The following RC3H1 variants were observed in gnomAD, a reference collection of about 807,000 sequenced individuals.
RC3H1 encodes the protein ring finger and CCCH-type domains 1.
Under a neutral mutation model 138.2 loss-of-function variants are expected in RC3H1, and 50 were observed. The ratio of observed to expected loss-of-function variants is 0.36; its 90% CI spans 0.29 to 0.46. The LOEUF (loss-of-function observed/expected upper bound fraction) is 0.46. RC3H1 is among the 20% of genes least tolerant of loss of function. The pLI is 1.00. For synonymous variants in RC3H1, 462 were observed against 489.1 expected, an observed-to-expected ratio of 0.94 and a Z score of 0.73; for missense variants, 1,031 against 1,388.1, an observed-to-expected ratio of 0.74 and a Z score of 4.09.
rs1030432383 is a variant in RC3H1 at position 173,934,264 on chromosome 1, G to A, written c.*4457C>T. Reference sequence around the variant, plus strand: ...ACAATCTGTACATGTACTGACTATAGTTAGTTATTTCTCACCAGTCACATA... The same window carrying A: ...ACAATCTGTACATGTACTGACTATAATTAGTTATTTCTCACCAGTCACATA... On this transcript the variant is annotated 3_prime_UTR_variant, in exon 20 of 20. Coordinates refer to ENST00000367696, the MANE Select transcript of RC3H1 (RefSeq NM_172071.4). 6.6e-6 allele frequency: 1 copy of A among 151,962 alleles called. No individual in the cohort carries two copies. The highest frequency in any genetic ancestry group is 1.5e-5 in the Non-Finnish European group (1 of 67,990). 9.4% of individuals were successfully genotyped at this position (151,962 alleles called of 1,614,324 possible).
intron 13 of RC3H1, among the ~76,000 whole-genome samples, chr1:173,958,280 C>T (rs935368855): frequency 3.3e-5 from 5 of 152,086 alleles, no homozygotes; most frequent in Non-Finnish European, 5.9e-5. Context: ...CAGTAGCTCA[C>T]GCCTGTAATC....
In RC3H1 at chr1:173,937,851, T is replaced by C. The variant is rs1351800225; in HGVS notation, c.*870A>G. ...AAGCACTGCTTCAAATTTCCAACCA[T>C]GAGCTGAACGCAGGCGAAACACCAA... is the stretch of plus-strand genomic sequence containing the variant. On this transcript the variant is annotated 3_prime_UTR_variant, in exon 20 of 20. Coordinates refer to ENST00000367696, the MANE Select transcript of RC3H1 (RefSeq NM_172071.4). 6.6e-6 allele frequency: 1 copy of C among 152,216 alleles called. No individual in the cohort carries two copies. The highest frequency in any genetic ancestry group is 2.4e-5 in the African/African-American group (1 of 41,472). 9.4% of individuals were successfully genotyped at this position (152,216 alleles called of 1,614,324 possible).
chr1:173,977,047 C>T (rs369095556), intron 7 of RC3H1, among the ~76,000 whole-genome samples: 46 of 152,018 alleles, frequency 3.0e-4, no homozygotes, highest in Non-Finnish European at 5.6e-4. Context: ...CTCAGCCTCC[C>T]GAGTAGCTGG....
At position 173,978,510 on chromosome 1, in the gene RC3H1, T is replaced by A; in HGVS notation, c.1080A>T (p.Leu360Phe). 1 of 1,614,078 alleles carries A rather than the reference T, an allele frequency of 6.2e-7. No homozygotes were observed. Among genetic ancestry groups the A allele is most frequent in the Non-Finnish European group, 8.5e-7 (1 of 1,179,964 alleles). The change falls in exon 7 of 20, where the codon TTA becomes TTT. Residue 360 changes from leucine to phenylalanine, a missense_variant. Around this residue, in one of 7 missense-constraint regions of RC3H1, gnomAD observed 142 missense variants for 224.6 expected, o/e 0.63. Coordinates refer to ENST00000367696, the MANE Select transcript of RC3H1 (RefSeq NM_172071.4). ...TACCTGGACTAGGGTCAATGTTTGC[T>A]AACAGCTCCAAATGGGGTCTTAGTC... Reference protein sequence around the residue: ...LNRLRPHLELLANIDPSPDAP... With the variant: ...LNRLRPHLELFANIDPSPDAP...
At chr1:173,964,767 CATTA>C in intron 10 of RC3H1, 68 bp downstream of exon 10, 2 of 1,248,030 alleles carry the variant, frequency 1.6e-6, no homozygotes, top group Non-Finnish European at 2.2e-6. Flanking sequence ...AAATCCCAAA[CATTA>C]ATTATTCTAT....
rs557976886 is a variant in RC3H1 at position 173,971,147 on chromosome 1, A to C, written c.1222-530T>G. ...TGGCTAATTTTTGTATTTTTAGTAGAGACAGGGTTTCATCATGTTAGCCAG... is the reference window on the plus strand; with the variant it reads ...TGGCTAATTTTTGTATTTTTAGTAGCGACAGGGTTTCATCATGTTAGCCAG... On this transcript the variant is annotated intron_variant, in intron 8 of 19. Transcript: ENST00000367696. Among the ~76,000 whole-genome samples, 13 of 152,068 alleles carry C rather than the reference A, an allele frequency of 8.5e-5. 1 individual carries two copies. The South Asian group carries it at 2.5e-3, about 29-fold the overall frequency.
intron 1 of RC3H1, among the ~76,000 whole-genome samples, chr1:173,996,122 T>G (rs531598049): frequency 4.2e-4 from 64 of 152,058 alleles, no homozygotes; most frequent in Admixed American, 9.2e-4. Context: ...GGTGTGGTGA[T>G]GGGCGCCTGT....
chr1:173,979,651 G>A (rs1220479102), intron 6 of RC3H1, among the ~76,000 whole-genome samples: 1 of 152,142 alleles, frequency 6.6e-6, no homozygotes, highest in Non-Finnish European at 1.5e-5. Flanking sequence ...GTGAGACTCT[G>A]TCTCAAACAA....
At chr1:173,969,662 G>GT (rs749677553) in intron 9 of RC3H1, among the ~76,000 whole-genome samples, 8 of 151,730 alleles carry the variant, frequency 5.3e-5, no homozygotes, top group Non-Finnish European at 8.8e-5. Context: ...AAGCCCAGGA[G>GT]TTTGAGACCA....
intron 1 of RC3H1, among the ~76,000 whole-genome samples, chr1:174,021,656 G>A (rs1054370010): frequency 1.7e-4 from 26 of 152,154 alleles, no homozygotes; most frequent in South Asian, 4.1e-4. Flanking sequence ...CAGCCCTGAG[G>A]TGCTGGGAGG....
chr1:174,021,371 G>A (rs1343267818), intron 1 of RC3H1, among the ~76,000 whole-genome samples: 1 of 152,280 alleles, frequency 6.6e-6, no homozygotes, highest in South Asian at 2.1e-4. Context: ...CCTGGGATGC[G>A]GGCATAACTG....
chr1:173,960,874 A>C (rs1659842377), intron 13 of RC3H1, among the ~76,000 whole-genome samples: 1 of 152,178 alleles, frequency 6.6e-6, no homozygotes, highest in Non-Finnish European at 1.5e-5. Context: ...ACAGGAACAA[A>C]AAAAAAGATC....
chr1:173,943,838 T>C (rs1402260604), intron 17 of RC3H1, among the ~76,000 whole-genome samples: 1 of 152,160 alleles, frequency 6.6e-6, no homozygotes, highest in Non-Finnish European at 1.5e-5. Context: ...ATCTTATGTA[T>C]AAATTGCTCC....
At position 173,984,558 on chromosome 1, in the gene RC3H1, T is replaced by C; in HGVS notation, c.293A>G (p.Glu98Gly). The C allele has an allele frequency of 1.9e-6, 3 of 1,614,032 alleles. No homozygotes were observed. Among genetic ancestry groups the C allele is most frequent in the Non-Finnish European group, 2.5e-6 (3 of 1,179,940 alleles). ...TAATTCTTCTACACATTTCTTGGCT[T>C]CCTCATAATGCTTTGTGTCTTCAAC... Reference protein sequence around the residue: ...SGVEDTKHYEEAKKCVEELAL... With the variant: ...SGVEDTKHYEGAKKCVEELAL... The change falls in exon 3 of 20, where the codon GAA becomes GGA. Residue 98 changes from glutamate to glycine, a missense_variant. Glu to Gly is a moderately conservative substitution (Grantham distance 98, BLOSUM62 -2). Coordinates refer to ENST00000367696, the MANE Select transcript of RC3H1 (RefSeq NM_172071.4).
chr1:174,010,425 T>C (rs1661729775), intron 1 of RC3H1, among the ~76,000 whole-genome samples: 1 of 152,108 alleles, frequency 6.6e-6, no homozygotes, highest in Non-Finnish European at 1.5e-5. Context: ...TTTCTTTTTT[T>C]AATTTTTGAG....
At chr1:173,959,013 C>T (rs2102919682) in intron 13 of RC3H1, among the ~76,000 whole-genome samples, 1 of 152,168 alleles carries the variant, frequency 6.6e-6, no homozygotes, top group Non-Finnish European at 1.5e-5. Context: ...CTACAGCAAA[C>T]ATGATAATGG....
chr1:173,955,265 C>A (rs1659586529), intron 13 of RC3H1, among the ~76,000 whole-genome samples: 1 of 79,772 alleles, frequency 1.3e-5, no homozygotes, highest in South Asian at 3.3e-4. Context: ...AATCTTCATA[C>A]AACAACAACA....
chr1:173,965,970 G>C (rs905420135), intron 9 of RC3H1, among the ~76,000 whole-genome samples: 2 of 152,006 alleles, frequency 1.3e-5, no homozygotes, highest in Non-Finnish European at 2.9e-5. Context: ...GTGAAACCTT[G>C]TCTTTACCAA....
At chr1:173,989,286 C>A (rs1661163861) in intron 2 of RC3H1, among the ~76,000 whole-genome samples, 1 of 151,726 alleles carries the variant, frequency 6.6e-6, no homozygotes, top group Non-Finnish European at 1.5e-5. Context: ...ATCTTGGCCT[C>A]CTGGGCTCAG....
Sources: allele counts gnomAD v4.1 joint callset (sites outside exome capture counted in the v4.1 genomes callset), GRCh38; gene constraint gnomAD v4.1.1; regional missense constraint gnomAD v4.1.1; transcripts MANE v1.5; gene names NCBI Gene and HGNC (gene_info 2026-07-23, HGNC 2026-07-21).